RETREG3: variants seen among roughly 807,000 people sequenced by gnomAD.
RETREG3 encodes the protein reticulophagy regulator family member 3.
In RETREG3, 23 loss-of-function variants were observed where a neutral mutation model predicts 50.2. The ratio of observed to expected loss-of-function variants is 0.46; its 90% CI spans 0.33 to 0.65. The LOEUF (loss-of-function observed/expected upper bound fraction) is 0.65, where lower values mean the gene tolerates loss of function less well. Ranked by LOEUF, RETREG3 falls within the 30% of genes least tolerant of loss-of-function variation. The probability of loss-of-function intolerance (pLI) is 0.02; values close to 1 mark genes in which losing one functional copy is unlikely to be tolerated. For synonymous variants in RETREG3, 240 were observed against 234.4 expected (o/e 1.02, Z -0.22); for missense variants, 546 against 598.0 (o/e 0.91, Z 0.91).
Position 42,582,157 on chromosome 17 carries a change from T to A in RETREG3, c.1057A>T (p.Met353Leu). The change falls in exon 9 of 9, where the codon ATG becomes TTG. Residue 353 changes from methionine to leucine, a missense_variant. Coordinates refer to ENST00000309428, the MANE Select transcript of RETREG3 (RefSeq NM_178126.4). ...GGAGAACGGTACATCAAGCTGGGCA[T>A]GCCAATGCTAGTGTCGTCCTCATCA... ...LDDEDDTSIG[M>L]PSLMYRSPPG... 1 of 1,614,052 alleles carries A rather than the reference T, an allele frequency of 6.2e-7. No homozygotes were observed.
intron 1 of RETREG3, among the ~76,000 whole-genome samples, chr17:42,597,581 G>GTGTATATATA (rs1184731134): frequency 4.6e-5 from 2 of 43,522 alleles, no homozygotes; most frequent in African/African-American, 1.8e-4. Flanking sequence ...TATTTTGTGT[G>GTGTATATATA]TATATATATA....
At chr17:42,608,311 C>T (rs927827480) in intron 1 of RETREG3, among the ~76,000 whole-genome samples, 4 of 152,170 alleles carry the variant, frequency 2.6e-5, no homozygotes, top group African/African-American at 9.7e-5. Flanking sequence ...GTTCCATTTT[C>T]ACAGAGCATG....
chr17:42,589,025 TG>T (rs1285307453), intron 2 of RETREG3, among the ~76,000 whole-genome samples: 24 of 148,412 alleles, frequency 1.6e-4, no homozygotes, highest in African/African-American at 5.7e-4. Flanking sequence ...TCTGCCTCCT[TG>T]GGGGGCTGAG....
intron 1 of RETREG3, chr17:42,596,541 T>A (rs2093145475): frequency 6.6e-6 from 1 of 152,054 alleles, no homozygotes; most frequent in African/African-American, 2.4e-5. Flanking sequence ...ACCCATACCA[T>A]CTCTAAAGTA....
chr17:42,606,196 A>C (rs1170514688), intron 1 of RETREG3, among the ~76,000 whole-genome samples: 2 of 152,078 alleles, frequency 1.3e-5, no homozygotes, highest in African/African-American at 4.8e-5. Flanking sequence ...TGAGCCTCTA[A>C]ACATAGCATG....
intron 1 of RETREG3, among the ~76,000 whole-genome samples, chr17:42,593,422 G>A (rs1018854499): frequency 9.9e-5 from 15 of 152,074 alleles, no homozygotes; most frequent in Non-Finnish European, 2.2e-4. Context: ...GGCAGAGGCG[G>A]GCAGATCTTG....
rs1050148677 is a variant in RETREG3 at position 42,582,533 on chromosome 17, C to T, written c.943+141G>A. On this transcript the variant is annotated intron_variant, in intron 8 of 8. Transcript: ENST00000309428. ...GGCAGCAGTGCCATCCTGGCTGTAG[C>T]CACAGCACTCAGGCTGCTCTGCCGC... 8 of 1,321,436 alleles carry T rather than the reference C, an allele frequency of 6.1e-6. No homozygotes were observed. The African/African-American group carries it at 7.3e-5, about 12-fold the overall frequency. 81.9% of individuals were successfully genotyped at this position (1,321,436 alleles called of 1,614,324 possible). A position where few individuals can be genotyped will look rare whatever the true frequency, so the allele number is the denominator to read the frequency against.
intron 1 of RETREG3, among the ~76,000 whole-genome samples, chr17:42,599,474 G>C (rs543261478): frequency 6.6e-6 from 1 of 151,908 alleles, no homozygotes; most frequent in South Asian, 2.1e-4. Context: ...AGCTAACATG[G>C]AGAAACTCCA....
intron 6 of RETREG3, 105 bp downstream of exon 6, chr17:42,585,019 AC>A: frequency 7.5e-7 from 1 of 1,337,080 alleles, no homozygotes; most frequent in Non-Finnish European, 1.0e-6. Context: ...CCCACCAACT[AC>A]CCCCGACTTC....
chr17:42,608,813 T>C (rs2093173334), intron 1 of RETREG3: 2 of 463,188 alleles, frequency 4.3e-6, no homozygotes, highest in Non-Finnish European at 7.7e-6. Context: ...TCGCTCACTC[T>C]TGAGCGGCTC....
intron 6 of RETREG3, 85 bp from the exon 7 acceptor site, chr17:42,583,665 CA>C (rs2093114968): frequency 1.5e-6 from 2 of 1,300,708 alleles, no homozygotes; most frequent in Non-Finnish European, 2.1e-6. Context: ...AATCAGAACA[CA>C]AAACAAAGAG....
intron 3 of RETREG3, 109 bp from the exon 4 acceptor site, chr17:42,587,000 T>A: frequency 1.4e-6 from 2 of 1,422,524 alleles, no homozygotes; most frequent in Non-Finnish European, 1.9e-6. Flanking sequence ...GGGGAGTGAC[T>A]AGGCCCAGGT....
In RETREG3 at chr17:42,581,817, T is replaced by C. The variant is rs575678530; in HGVS notation, c.1397A>G (p.His466Arg). 35 of 1,568,674 alleles carry C rather than the reference T, an allele frequency of 2.2e-5. No individual in the cohort carries two copies. The African/African-American group carries it at 4.2e-4, about 19-fold the overall frequency. The change falls in exon 9 of 9, where the codon CAC becomes CGC. Residue 466 changes from histidine (H) to arginine (R), a missense_variant. Coordinates refer to ENST00000309428, the MANE Select transcript of RETREG3 (RefSeq NM_178126.4). ...CTCCCAAAAGGAGTCTCTGCCTCAG[T>C]GGCTCCTAGAACTGGCAGGGTCCAG... Reference protein sequence around the residue: ...SQLDPASSRSH With the variant: ...SQLDPASSRSR
chr17:42,601,818 A>T (rs1010711971), intron 1 of RETREG3, among the ~76,000 whole-genome samples: 6 of 151,118 alleles, frequency 4.0e-5, no homozygotes, highest in African/African-American at 1.5e-4. Flanking sequence ...TTTTTAGTAG[A>T]GATGGGGTTT....
intron 2 of RETREG3, among the ~76,000 whole-genome samples, chr17:42,589,973 C>T (rs894346147): frequency 6.6e-6 from 1 of 152,044 alleles, no homozygotes; most frequent in Non-Finnish European, 1.5e-5. Flanking sequence ...GGCCAAGGCA[C>T]GCGGATCACT....
chr17:42,584,288 C>T (rs1401840018), intron 6 of RETREG3, among the ~76,000 whole-genome samples: 1 of 152,102 alleles, frequency 6.6e-6, no homozygotes, highest in Non-Finnish European at 1.5e-5. Flanking sequence ...AACTGGCTGC[C>T]CCAAGGGGAC....
chr17:42,582,973 T>G (rs1354028048), intron 7 of RETREG3, among the ~76,000 whole-genome samples, 167 bp from the exon 8 acceptor site: 1 of 152,140 alleles, frequency 6.6e-6, no homozygotes, highest in Non-Finnish European at 1.5e-5. Context: ...CCCTTTATTT[T>G]TTTTTTAATC....
chr17:42,605,895 G>T (rs1253654933), intron 1 of RETREG3, among the ~76,000 whole-genome samples: 1 of 151,378 alleles, frequency 6.6e-6, no homozygotes, highest in African/African-American at 2.4e-5. Flanking sequence ...GGAGGCTGGG[G>T]TGGGAGAATC....
intron 1 of RETREG3, among the ~76,000 whole-genome samples, chr17:42,595,521 C>G (rs906173780): frequency 6.6e-6 from 1 of 151,878 alleles, no homozygotes; most frequent in African/African-American, 2.4e-5. Flanking sequence ...CTCAGCCTCC[C>G]AAGTAGCTGG....
Sources: gnomAD v4.1 joint callset for allele counts (sites outside exome capture counted in the v4.1 genomes callset) on GRCh38, gnomAD v4.1.1 for gene constraint, MANE v1.5 for transcripts, NCBI Gene and HGNC (gene_info 2026-07-23, HGNC 2026-07-21) for gene names.